Variants in KCTD7 observed in about 807,000 individuals in gnomAD.
The protein encoded by KCTD7 is BTB/POZ domain-containing protein KCTD7.
Under a neutral mutation model 27.0 loss-of-function variants are expected in KCTD7, and 15 were observed. The observed-to-expected ratio is 0.56, with a 90% CI of 0.37 to 0.86. The LOEUF (loss-of-function observed/expected upper bound fraction) is 0.86. KCTD7 is among the 40% of genes least tolerant of loss of function. The pLI is 0.00. For missense variants in KCTD7, 299 were observed against 398.9 expected, an observed-to-expected ratio of 0.75 and a Z score of 2.13; for synonymous variants, 159 against 162.7, an observed-to-expected ratio of 0.98 and a Z score of 0.17.
intron 1 of KCTD7, among the ~76,000 whole-genome samples, chr7:66,631,028 C>G (rs1222806069): frequency 6.6e-6 from 1 of 152,150 alleles, no homozygotes; most frequent in South Asian, 2.1e-4. Context: ...TTTAGAGGAC[C>G]TACAGAATAA....
Position 66,639,360 on chromosome 7 carries a change from C to A in KCTD7, c.*128C>A. 6.4e-7 allele frequency: 1 copy of A among 1,559,870 alleles called. No individual in the cohort carries two copies. The highest frequency in any genetic ancestry group is 8.6e-7 in the Non-Finnish European group (1 of 1,158,464). Reference sequence around the variant, plus strand: ...CCGAGGTGAGAACAGCATCCTGAGGCACAGCTCCCAGGGGACAGAGGTGTA... The same window carrying A: ...CCGAGGTGAGAACAGCATCCTGAGGAACAGCTCCCAGGGGACAGAGGTGTA... On this transcript the variant is annotated 3_prime_UTR_variant, in exon 4 of 4. Transcript: ENST00000639828.
chr7:66,630,795 G>C (rs942718029), intron 1 of KCTD7, among the ~76,000 whole-genome samples: 2 of 152,112 alleles, frequency 1.3e-5, no homozygotes, highest in Admixed American at 1.3e-4. Context: ...GCAGACCAGG[G>C]CCCCACCACC....
chr7:66,640,152 G>T lies in KCTD7; in HGVS notation c.*920G>T. The stretch of plus-strand genomic sequence containing the variant: ...TTTGTGGTGAACCTCTTTGGAAGGG[G>T]ACCCCCTCTCTTTAAACCCTGTTCC... On this transcript the variant is annotated 3_prime_UTR_variant, in exon 4 of 4. Transcript: ENST00000639828. 4 of 1,363,490 alleles carry T rather than the reference G, an allele frequency of 2.9e-6. No homozygotes were observed. The Admixed American group carries it at 1.4e-4, about 47-fold the overall frequency. 84.5% of individuals were successfully genotyped at this position (1,363,490 alleles called of 1,614,324 possible). A position where few individuals can be genotyped will look rare whatever the true frequency, so the allele number is the denominator to read the frequency against.
At position 66,629,007 on chromosome 7, in the gene KCTD7, G is replaced by T; in HGVS notation, c.-58G>T. ...CAGGCGCTGCTCGGCGGTAGGGAGTGCCCGGGGCCGCCGCCTCCGCCCGCC... is the reference window on the plus strand; with the variant it reads ...CAGGCGCTGCTCGGCGGTAGGGAGTTCCCGGGGCCGCCGCCTCCGCCCGCC... On this transcript the variant is annotated 5_prime_UTR_variant, in exon 1 of 4. Coordinates refer to ENST00000639828, the MANE Select transcript of KCTD7 (RefSeq NM_153033.5). 9 of 1,465,962 alleles carry T rather than the reference G, an allele frequency of 6.1e-6. No homozygotes were observed. The highest frequency in any genetic ancestry group is 7.2e-6 in the Non-Finnish European group (8 of 1,103,452). 90.8% of individuals were successfully genotyped at this position (1,465,962 alleles called of 1,614,324 possible).
chr7:66,637,541 C>T (rs996723996), intron 2 of KCTD7, among the ~76,000 whole-genome samples: 1 of 151,674 alleles, frequency 6.6e-6, no homozygotes, highest in Non-Finnish European at 1.5e-5. Flanking sequence ...CTAATAAAAA[C>T]AAAAAAACAA....
At position 66,633,356 on chromosome 7, in the gene KCTD7, A is replaced by G. The variant is rs200569899; in HGVS notation, c.226A>G (p.Met76Val). ...CACACTGCGGTGCTACGAAGACACC[A>G]TGTTGGCAGCCATGTTCAGTGGGCG... Reference protein sequence around the residue: ...LSTLRCYEDTMLAAMFSGRHY... With the variant: ...LSTLRCYEDTVLAAMFSGRHY... Residue 76 changes from methionine to valine, a missense_variant, in exon 2 of 4, where the codon ATG becomes GTG. Met to Val is a conservative substitution (Grantham distance 21). Coordinates refer to ENST00000639828, the MANE Select transcript of KCTD7 (RefSeq NM_153033.5). 9 of 1,614,022 alleles carry G rather than the reference A, an allele frequency of 5.6e-6. No individual in the cohort carries two copies. The African/African-American group carries it at 9.3e-5, about 17-fold the overall frequency.
rs543103689 is a variant in KCTD7, at chr7:66,633,256, C to G, written c.145-19C>G. ...CATTCCCCGTTGCCTGCCTGAGAGC[C>G]CTGGTGATTTCTTTCCAGTTTCCTG... On this transcript the variant is annotated intron_variant, in intron 1 of 3. Transcript: ENST00000639828. 6.2e-7 allele frequency: 1 copy of G among 1,613,534 alleles called. No individual in the cohort carries two copies. Among genetic ancestry groups the G allele is most frequent in the Non-Finnish European group, 8.5e-7 (1 of 1,179,774 alleles).
rs1025648532 is a variant in KCTD7, at chr7:66,642,602, A to G, written c.*3370A>G. 3 of 985,314 alleles carry G rather than the reference A, an allele frequency of 3.0e-6. No homozygotes were observed. The highest frequency in any genetic ancestry group is 1.7e-5 in the African/African-American group (1 of 57,228). 61.0% of individuals were successfully genotyped at this position (985,314 alleles called of 1,614,324 possible). On this transcript the variant is annotated 3_prime_UTR_variant, in exon 4 of 4. Transcript: ENST00000639828. ...AATATTTCAAATATTGTCCTTCTGC[A>G]TATGTTCTATCCATATTTGATTCCA... is the stretch of plus-strand genomic sequence containing the variant.
intron 2 of KCTD7, among the ~76,000 whole-genome samples, chr7:66,637,180 G>A (rs1786606876): frequency 6.6e-6 from 1 of 152,176 alleles, no homozygotes; most frequent in Non-Finnish European, 1.5e-5. Context: ...CCACTTCCCA[G>A]GTTGAAGCAG....
chr7:66,642,397 T>G lies in KCTD7; in HGVS notation c.*3165T>G, dbSNP rs1371096277. On this transcript the variant is annotated 3_prime_UTR_variant, in exon 4 of 4. Coordinates refer to ENST00000639828, the MANE Select transcript of KCTD7 (RefSeq NM_153033.5). ...GTCTGAGCCTTGTGCCTAAGGCTTA[T>G]CAGGTGATATAATCTTCCTGTTCTG... 3 of 985,400 alleles carry G rather than the reference T, an allele frequency of 3.0e-6. No individual in the cohort carries two copies. The highest frequency in any genetic ancestry group is 3.6e-6 in the Non-Finnish European group (3 of 829,912). 61.0% of individuals were successfully genotyped at this position (985,400 alleles called of 1,614,324 possible). A position where few individuals can be genotyped will look rare whatever the true frequency, so the allele number is the denominator to read the frequency against.
rs1786631431 is a variant in KCTD7, at chr7:66,638,256, T to G, written c.318T>G (p.Asp106Glu). Residue 106 changes from aspartate (D) to glutamate (E), a missense_variant, in exon 3 of 4, where the codon GAT becomes GAG. Transcript: ENST00000639828. The part of the protein sequence containing the change: ...FIDRDGTHFG[D>E]VLNFLRSGDL... Reference sequence around the variant, plus strand: ...ACCCTCTTTCCTTCCTGCTTAGAGATGTGCTGAATTTCCTGCGCTCAGGGG... The same window carrying G: ...ACCCTCTTTCCTTCCTGCTTAGAGAGGTGCTGAATTTCCTGCGCTCAGGGG... The G allele has an allele frequency of 6.2e-7, 1 of 1,614,082 alleles. No individual in the cohort carries two copies. Among genetic ancestry groups the G allele is most frequent in the Non-Finnish European group, 8.5e-7 (1 of 1,180,038 alleles).
chr7:66,633,424 C>T lies in KCTD7; in HGVS notation c.294C>T (p.Asp98=). Residue 98 remains aspartate, a synonymous_variant, in exon 2 of 4, where the codon GAC becomes GAT. Transcript: ENST00000639828. ...PTDSEGRYFI[D]RDGTHFGDVL... is the part of the protein sequence containing the mutation. ...ACTCCGAGGGCCGGTACTTCATCGA[C>T]CGAGATGGCACACACTTTGGGTATG... 1 of 1,614,124 alleles carries T rather than the reference C, an allele frequency of 6.2e-7. No individual in the cohort carries two copies. The highest frequency in any genetic ancestry group is 8.5e-7 in the Non-Finnish European group (1 of 1,180,030).
chr7:66,639,360 C>T lies in KCTD7; in HGVS notation c.*128C>T. 1 of 1,559,870 alleles carries T rather than the reference C, an allele frequency of 6.4e-7. No homozygotes were observed. Among genetic ancestry groups the T allele is most frequent in the Non-Finnish European group, 8.6e-7 (1 of 1,158,464 alleles). ...CCGAGGTGAGAACAGCATCCTGAGG[C>T]ACAGCTCCCAGGGGACAGAGGTGTA... On this transcript the variant is annotated 3_prime_UTR_variant, in exon 4 of 4. Coordinates refer to ENST00000639828, the MANE Select transcript of KCTD7 (RefSeq NM_153033.5).
intron 2 of KCTD7, 83 bp downstream of exon 2, chr7:66,633,527 A>G (rs976005236): frequency 2.4e-6 from 3 of 1,269,448 alleles, no homozygotes; most frequent in Non-Finnish European, 3.4e-6. Context: ...GATATCTTCC[A>G]TAGTACCTAG....
In KCTD7 at chr7:66,642,146, TA is replaced by T. The variant is rs1786732991; in HGVS notation, c.*2915del. 5.2e-5 allele frequency: 51 copies of T among 985,324 alleles called. No individual in the cohort carries two copies. The highest frequency in any genetic ancestry group is 5.7e-5 in the Non-Finnish European group (47 of 829,910). The allele number at this position is 985,324 out of a possible 1,614,324, so 61.0% of individuals were successfully genotyped here. A position where few individuals can be genotyped will look rare whatever the true frequency, so the allele number is the denominator to read the frequency against. On this transcript the variant is annotated 3_prime_UTR_variant, in exon 4 of 4. Transcript: ENST00000639828. ...TCCTTAAAAATAAAAAAGCTAATGT[TA>T]TAGCAACAAAAAAAGACTGAAGCAA...
Position 66,642,080 on chromosome 7 carries a change from A to G in KCTD7, c.*2848A>G, listed in dbSNP as rs763411190. The G allele has an allele frequency of 5.2e-5, 51 of 985,328 alleles. No homozygotes were observed. The highest frequency in any genetic ancestry group is 6.1e-5 in the Non-Finnish European group (51 of 829,938). 61.0% of individuals were successfully genotyped at this position (985,328 alleles called of 1,614,324 possible). Reference sequence around the variant, plus strand: ...TGAGTCAAAGCAAAGTGAAAGTTTCAGGAGATGGGACCAATGGTGCAATGC... The same window carrying G: ...TGAGTCAAAGCAAAGTGAAAGTTTCGGGAGATGGGACCAATGGTGCAATGC... On this transcript the variant is annotated 3_prime_UTR_variant, in exon 4 of 4. Coordinates refer to ENST00000639828, the MANE Select transcript of KCTD7 (RefSeq NM_153033.5).
intron 3 of KCTD7, 30 bp downstream of exon 3, chr7:66,638,461 A>G: frequency 6.2e-7 from 1 of 1,606,764 alleles, no homozygotes; most frequent in South Asian, 1.1e-5. Flanking sequence ...GATGGTGGGT[A>G]TGTGGGAGGA....
rs932179746 is a variant in KCTD7, at chr7:66,639,377, A to G, written c.*145A>G. ...TCCTGAGGCACAGCTCCCAGGGGAC[A>G]GAGGTGTAGCTCCAATCTCCCTGAC... On this transcript the variant is annotated 3_prime_UTR_variant, in exon 4 of 4. Coordinates refer to ENST00000639828, the MANE Select transcript of KCTD7 (RefSeq NM_153033.5). 1 of 1,537,564 alleles carries G rather than the reference A, an allele frequency of 6.5e-7. No homozygotes were observed. Among genetic ancestry groups the G allele is most frequent in the East Asian group, 2.4e-5 (1 of 41,446 alleles).
At position 66,640,971 on chromosome 7, in the gene KCTD7, T is replaced by C. The variant is rs1786701279; in HGVS notation, c.*1739T>C. 3 of 985,470 alleles carry C rather than the reference T, an allele frequency of 3.0e-6. No homozygotes were observed. The highest frequency in any genetic ancestry group is 9.4e-5 in the South Asian group (2 of 21,302). 61.0% of individuals were successfully genotyped at this position (985,470 alleles called of 1,614,324 possible). A position where few individuals can be genotyped will look rare whatever the true frequency, so the allele number is the denominator to read the frequency against. On this transcript the variant is annotated 3_prime_UTR_variant, in exon 4 of 4. Coordinates refer to ENST00000639828, the MANE Select transcript of KCTD7 (RefSeq NM_153033.5). ...AAGAGAAGACCAAGCCCTGGGACTT[T>C]GGCTGAATTCCTCCGTGGGGCTGGA...
Sources: gnomAD v4.1 joint callset for allele counts (sites outside exome capture counted in the v4.1 genomes callset) on GRCh38, gnomAD v4.1.1 for gene constraint, MANE v1.5 for transcripts, NCBI Gene and HGNC (gene_info 2026-07-23, HGNC 2026-07-21) for gene names.